The following ZNF827 variants were observed in gnomAD, a reference collection of about 807,000 sequenced individuals.
The protein encoded by ZNF827 is zinc finger protein 827.
A neutral mutation model predicts 102.4 loss-of-function variants in ZNF827; 13 were observed. The observed-to-expected ratio is 0.13, with a 90% confidence interval of 0.08 to 0.20. ZNF827 has a LOEUF of 0.20. ZNF827 is among the 10% of genes least tolerant of loss of function. The probability of loss-of-function intolerance (pLI) is 1.00; values close to 1 mark genes in which losing one functional copy is unlikely to be tolerated. For missense variants in ZNF827, 1,103 were observed against 1,344.4 expected, an observed-to-expected ratio of 0.82 and a Z score of 2.81; for synonymous variants, 523 against 536.2, an observed-to-expected ratio of 0.98 and a Z score of 0.34.
chr4:145,818,811 C>CCT (rs1296526112), intron 8 of ZNF827, among the ~76,000 whole-genome samples: 8 of 152,150 alleles, frequency 5.3e-5, no homozygotes, highest in Non-Finnish European at 1.0e-4. Flanking sequence ...GAGCTAGTTG[C>CCT]AGGTGGCATT....
At chr4:145,881,440 A>G (rs1483763545) in intron 4 of ZNF827, among the ~76,000 whole-genome samples, 1 of 152,266 alleles carries the variant, frequency 6.6e-6, no homozygotes, top group Non-Finnish European at 1.5e-5. Context: ...TTGGAAAACC[A>G]GGGACAAAAA....
intron 13 of ZNF827, 33 bp downstream of exon 13, chr4:145,764,955 C>T (rs761364145): frequency 3.0e-5 from 48 of 1,608,254 alleles, no homozygotes; most frequent in Middle Eastern, 3.3e-4. Flanking sequence ...TTAATAACAA[C>T]GCAGTAAAAG....
chr4:145,805,125 TTGTGTGTGTGTGTGTGTG>T (rs35536912), intron 8 of ZNF827, among the ~76,000 whole-genome samples: 1 of 148,268 alleles, frequency 6.7e-6, no homozygotes, highest in African/African-American at 2.5e-5. Flanking sequence ...GCAATTCCTT[TTGTGTGTGTGTGTGTGTG>T]TGTGTGTGTG....
chr4:145,872,778 G>C (rs1748811833), intron 4 of ZNF827, among the ~76,000 whole-genome samples: 6 of 151,432 alleles, frequency 4.0e-5, no homozygotes, highest in Admixed American at 3.3e-4. Context: ...GGGAGACTGA[G>C]GTAGGAGAAT....
intron 8 of ZNF827, among the ~76,000 whole-genome samples, chr4:145,793,417 A>G (rs1436778360): frequency 4.7e-5 from 5 of 106,180 alleles, no homozygotes; most frequent in African/African-American, 1.8e-4. Context: ...TTGAGGACCA[A>G]GGAGAGCCAG....
chr4:145,870,993 T>C (rs1748635221), intron 4 of ZNF827, among the ~76,000 whole-genome samples: 1 of 152,230 alleles, frequency 6.6e-6, no homozygotes, highest in Admixed American at 6.5e-5. Context: ...TGCCTCATTA[T>C]AAGACGACAC....
intron 8 of ZNF827, among the ~76,000 whole-genome samples, chr4:145,802,690 G>A (rs1016635858): frequency 2.0e-5 from 3 of 152,366 alleles, no homozygotes; most frequent in Non-Finnish European, 4.4e-5. Context: ...GGGCGCAGTG[G>A]CTCACGCCTG....
At chr4:145,869,209 A>G (rs1166886816) in intron 5 of ZNF827, among the ~76,000 whole-genome samples, 6 of 152,206 alleles carry the variant, frequency 3.9e-5, no homozygotes, top group Non-Finnish European at 7.3e-5. Context: ...TTTTAACCCC[A>G]CCAACTGGTA....
At chr4:145,864,278 T>C (rs1254224393) in intron 5 of ZNF827, among the ~76,000 whole-genome samples, 1 of 151,514 alleles carries the variant, frequency 6.6e-6, no homozygotes, top group Non-Finnish European at 1.5e-5. Context: ...AATATATAAA[T>C]TCTGGCCAGG....
intron 8 of ZNF827, among the ~76,000 whole-genome samples, chr4:145,805,046 T>C (rs17020598): frequency 0.028 from 4,214 of 152,126 alleles, 135 homozygotes; most frequent in East Asian, 0.1. Flanking sequence ...ATGCATCTGT[T>C]AGAGTAATTT....
chr4:145,850,401 G>T (rs954880522), intron 5 of ZNF827, among the ~76,000 whole-genome samples: 2 of 152,168 alleles, frequency 1.3e-5, no homozygotes, highest in African/African-American at 4.8e-5. Context: ...ATTCAACGGA[G>T]ACATTTGCAC....
intron 4 of ZNF827, among the ~76,000 whole-genome samples, chr4:145,871,540 C>A (rs909367468): frequency 6.6e-6 from 1 of 152,152 alleles, no homozygotes; most frequent in Non-Finnish European, 1.5e-5. Flanking sequence ...TTTAAGAGTC[C>A]ATGAGGTAGG....
In ZNF827 at chr4:145,794,036, C is replaced by G. The variant is rs527333520; in HGVS notation, c.2384-14525G>C. 4.7e-3 allele frequency among the ~76,000 whole-genome samples: 716 copies of G among 152,286 alleles called. 8 individuals are homozygous for G. Among genetic ancestry groups the G allele is most frequent in the African/African-American group, 0.014 (586 of 41,544 alleles). The stretch of plus-strand genomic sequence containing the variant: ...TTCAGGTTCTTAATCACACTACATA[C>G]TAAAGGCTTTGCAGAACTAATCGGT... On this transcript the variant is annotated intron_variant, in intron 8 of 14. Transcript: ENST00000508784.
At chr4:145,848,889 G>C (rs1746243081) in intron 6 of ZNF827, among the ~76,000 whole-genome samples, 1 of 151,742 alleles carries the variant, frequency 6.6e-6, no homozygotes. Context: ...TTTTTGTTTT[G>C]GCAAGATACA....
chr4:145,936,902 G>GA (rs1180553948), intron 1 of ZNF827, among the ~76,000 whole-genome samples: 1 of 151,946 alleles, frequency 6.6e-6, no homozygotes, highest in Non-Finnish European at 1.5e-5. Flanking sequence ...ACCGCCGGGA[G>GA]AGGGGAGTAG....
chr4:145,934,413 C>T (rs1313633819), intron 1 of ZNF827, among the ~76,000 whole-genome samples: 2 of 152,164 alleles, frequency 1.3e-5, no homozygotes, highest in Non-Finnish European at 2.9e-5. Context: ...AATTTTAAAT[C>T]AGAAACCTAA....
In ZNF827 at chr4:145,863,720, TG is replaced by T. The variant is rs199797078; in HGVS notation, c.1981+6524del. Among the ~76,000 whole-genome samples the T allele has an allele frequency of 5.8e-3, 794 of 137,098 alleles. 8 individuals carry two copies. The highest frequency in any genetic ancestry group is 0.02 in the African/African-American group (739 of 36,080). The allele number at this position is 137,098 out of a possible 152,430, so 89.9% of individuals were successfully genotyped here. A position where few individuals can be genotyped will look rare whatever the true frequency, so the allele number is the denominator to read the frequency against. ...AACAGTAGATTCATGGTTGCCTGGG[TG>T]GGGGGTGGAGGTGGTGGGGATAGAG... On this transcript the variant is annotated intron_variant, in intron 5 of 14. Coordinates refer to ENST00000508784, the MANE Select transcript of ZNF827 (RefSeq NM_001306215.2).
At chr4:145,914,907 T>G (rs1752562108) in intron 1 of ZNF827, among the ~76,000 whole-genome samples, 1 of 152,230 alleles carries the variant, frequency 6.6e-6, no homozygotes, top group Non-Finnish European at 1.5e-5. Context: ...GCAGGGATGC[T>G]CCAGAGGAGC....
chr4:145,783,118 C>T (rs1440489281), intron 8 of ZNF827, among the ~76,000 whole-genome samples: 2 of 152,114 alleles, frequency 1.3e-5, no homozygotes. Flanking sequence ...CATAGTCCAA[C>T]GTGAAGCAGT....
Sources: allele counts gnomAD v4.1 joint callset (sites outside exome capture counted in the v4.1 genomes callset), GRCh38; gene constraint gnomAD v4.1.1; transcripts MANE v1.5; gene names NCBI Gene and HGNC (gene_info 2026-07-23, HGNC 2026-07-21).